The following HPSE2 variants were observed in gnomAD, a reference collection of about 807,000 sequenced individuals.
The protein encoded by HPSE2 is heparanase 2 (inactive).
HPSE2 carries 38 observed loss-of-function variants against 60.5 expected under a neutral mutation model. That is an observed-to-expected ratio of 0.63 (90% CI 0.48 to 0.82). HPSE2 has a LOEUF of 0.82. Among genes scored for constraint, HPSE2 ranks in the 40% least tolerant of loss-of-function variants. The pLI is 0.00. For synonymous variants in HPSE2, 295 were observed against 293.2 expected, an observed-to-expected ratio of 1.01 and a Z score of -0.06; for missense variants, 713 against 740.4, an observed-to-expected ratio of 0.96 and a Z score of 0.43.
At chr10:98,762,790 G>GA (rs1439366277) in intron 3 of HPSE2, among the ~76,000 whole-genome samples, 1 of 151,850 alleles carries the variant, frequency 6.6e-6, no homozygotes. Context: ...TAAGCCACAT[G>GA]AAAAAAATAA....
intron 3 of HPSE2, among the ~76,000 whole-genome samples, chr10:98,751,034 C>T (rs1949745887): frequency 6.6e-6 from 1 of 152,074 alleles, no homozygotes; most frequent in Admixed American, 6.6e-5. Flanking sequence ...AGCTCTTCCC[C>T]CTCCTCCCCT....
intron 3 of HPSE2, among the ~76,000 whole-genome samples, chr10:98,849,049 T>C (rs2134724852): frequency 6.6e-6 from 1 of 152,312 alleles, no homozygotes; most frequent in South Asian, 2.1e-4. Context: ...CATAGCACTT[T>C]ACAAAGCAAT....
chr10:98,634,217 C>G (rs603269), intron 7 of HPSE2, among the ~76,000 whole-genome samples: 24,211 of 152,150 alleles, frequency 0.16, 2,458 homozygotes, highest in Admixed American at 0.23. Context: ...ACTTCAGGTG[C>G]TTTATTCTGC....
At chr10:98,474,585 T>A (rs930844719) in intron 11 of HPSE2, among the ~76,000 whole-genome samples, 1 of 151,738 alleles carries the variant, frequency 6.6e-6, no homozygotes, top group African/African-American at 2.4e-5. Flanking sequence ...TTAATGAGGG[T>A]GAAATGAAAG....
upstream of HPSE2, among the ~76,000 whole-genome samples, chr10:99,237,153 A>G (rs182693025): frequency 1.1e-4 from 17 of 152,316 alleles, no homozygotes; most frequent in Non-Finnish European, 1.5e-4. Context: ...GATCAGGCAC[A>G]GTTTGCTGCA....
At chr10:98,612,619 G>A (rs548308268) in intron 9 of HPSE2, among the ~76,000 whole-genome samples, 1 of 152,228 alleles carries the variant, frequency 6.6e-6, no homozygotes, top group East Asian at 1.9e-4. Context: ...ATTTGAATGA[G>A]TGATGAAAGG....
chr10:99,282,536 G>A, the HPSE2 span, among the ~76,000 whole-genome samples: 6 of 152,076 alleles, frequency 3.9e-5, no homozygotes, highest in Non-Finnish European at 8.8e-5. Flanking sequence ...ACAAATGTAC[G>A]GAATCCTCTA....
At chr10:99,282,923 G>A in the HPSE2 span, among the ~76,000 whole-genome samples, 1 of 152,118 alleles carries the variant, frequency 6.6e-6, no homozygotes, top group Non-Finnish European at 1.5e-5. Context: ...GGTGGCTCAT[G>A]CCTGTAATCC....
chr10:99,251,605 G>A, the HPSE2 span, among the ~76,000 whole-genome samples: 7 of 37,884 alleles, frequency 1.8e-4, no homozygotes, highest in African/African-American at 2.3e-4. Flanking sequence ...CTAGCAAACC[G>A]AATCCAGCAG....
chr10:99,260,409 C>A, the HPSE2 span, among the ~76,000 whole-genome samples: 4 of 152,254 alleles, frequency 2.6e-5, no homozygotes, highest in East Asian at 7.7e-4. Flanking sequence ...ATGAGGAGAT[C>A]CACCTACAAC....
chr10:98,984,069 G>A (rs1956275400), intron 3 of HPSE2, among the ~76,000 whole-genome samples: 1 of 152,194 alleles, frequency 6.6e-6, no homozygotes, highest in Non-Finnish European at 1.5e-5. Context: ...TCTGGGGGCA[G>A]AGCATAGCAA....
rs11189633 is a variant in HPSE2, at chr10:98,492,489, G to C, written c.1321-2293C>G. On this transcript the variant is annotated intron_variant, in intron 9 of 11. Coordinates refer to ENST00000370552, the MANE Select transcript of HPSE2 (RefSeq NM_021828.5). Reference sequence around the variant, plus strand: ...TGCACTCCAGCCTGGGCAACAGAACGAGATTCCGTCTCAAAAAAGACAAAA... The same window carrying C: ...TGCACTCCAGCCTGGGCAACAGAACCAGATTCCGTCTCAAAAAAGACAAAA... Among the ~76,000 whole-genome samples the C allele has an allele frequency of 2.4e-3, 301 of 126,628 alleles. 2 individuals carry two copies. Among genetic ancestry groups the C allele is most frequent in the Middle Eastern group, 6.5e-3 (1 of 154 alleles). The allele number at this position is 126,628 out of a possible 152,430, so 83.1% of individuals were successfully genotyped here.
intron 9 of HPSE2, among the ~76,000 whole-genome samples, chr10:98,565,761 T>C (rs552916120): frequency 1.3e-5 from 2 of 152,318 alleles, no homozygotes; most frequent in Admixed American, 1.3e-4. Flanking sequence ...TCCTTGTCCT[T>C]GATGATGATA....
chr10:98,793,774 A>G (rs533650298), intron 3 of HPSE2, among the ~76,000 whole-genome samples: 4 of 152,384 alleles, frequency 2.6e-5, no homozygotes, highest in African/African-American at 9.6e-5. Flanking sequence ...ACAAGAAGCC[A>G]GCATGTACAG....
intron 3 of HPSE2, among the ~76,000 whole-genome samples, chr10:99,067,467 C>A (rs1842652483): frequency 6.6e-6 from 1 of 152,232 alleles, no homozygotes; most frequent in African/African-American, 2.4e-5. Context: ...CATACATCCT[C>A]TGAAATCTAG....
intron 2 of HPSE2, among the ~76,000 whole-genome samples, chr10:99,170,444 T>A (rs1169743958): frequency 6.6e-6 from 1 of 152,178 alleles, no homozygotes; most frequent in Non-Finnish European, 1.5e-5. Context: ...TCCAGAATGT[T>A]CATGAAAACA....
At chr10:99,208,378 T>C (rs1848832948) in intron 2 of HPSE2, among the ~76,000 whole-genome samples, 1 of 152,190 alleles carries the variant, frequency 6.6e-6, no homozygotes, top group African/African-American at 2.4e-5. Context: ...ATGAATTACA[T>C]TGTCCATTCA....
intron 5 of HPSE2, among the ~76,000 whole-genome samples, chr10:98,709,987 C>T (rs1948637679): frequency 6.6e-6 from 1 of 152,088 alleles, no homozygotes; most frequent in African/African-American, 2.4e-5. Context: ...CTTTCCTGTC[C>T]ACAAAGAGAA....
chr10:98,505,794 T>A (rs1166676807), intron 9 of HPSE2, among the ~76,000 whole-genome samples: 1 of 152,178 alleles, frequency 6.6e-6, no homozygotes, highest in Non-Finnish European at 1.5e-5. Context: ...CTCCTTTCTT[T>A]AGTGATCTGA....
Sources: allele counts gnomAD v4.1 joint callset (sites outside exome capture counted in the v4.1 genomes callset), GRCh38; gene constraint gnomAD v4.1.1; transcripts MANE v1.5; gene names NCBI Gene and HGNC (gene_info 2026-07-23, HGNC 2026-07-21).